The following DLGAP1 variants were observed in gnomAD, a reference collection of about 807,000 sequenced individuals.
DLGAP1 encodes disks large-associated protein 1.
A neutral mutation model predicts 90.8 loss-of-function variants in DLGAP1; 11 were observed. That is an observed-to-expected ratio of 0.12 (90% CI 0.08 to 0.20). The LOEUF is 0.20. Ranked by LOEUF, DLGAP1 falls within the 10% of genes least tolerant of loss-of-function variation. DLGAP1 has a pLI of 1.00. For synonymous variants in DLGAP1, 558 were observed against 540.7 expected, an observed-to-expected ratio of 1.03 and a Z score of -0.44; for missense variants, 1,050 against 1,333.8, an observed-to-expected ratio of 0.79 and a Z score of 3.31.
intron 5 of DLGAP1, among the ~76,000 whole-genome samples, chr18:3,772,472 C>CTTTCTTT: frequency 7.9e-6 from 1 of 125,858 alleles, no homozygotes; most frequent in Admixed American, 9.0e-5. Context: ...TTCTTTCTTT[C>CTTTCTTT]TTTCTTTCTT....
chr18:4,331,324 C>T (rs2080945355), intron 1 of DLGAP1, among the ~76,000 whole-genome samples: 1 of 151,796 alleles, frequency 6.6e-6, no homozygotes, highest in Non-Finnish European at 1.5e-5. Flanking sequence ...AGACAGCGCT[C>T]AGGACAGAAA....
At chr18:4,264,923 A>C (rs967471341) in intron 1 of DLGAP1, 8 of 152,084 alleles carry the variant, frequency 5.3e-5, no homozygotes, top group Non-Finnish European at 1.0e-4. Flanking sequence ...GGAATCTTTG[A>C]ATCTTACCTT....
In DLGAP1 at chr18:3,879,140, T is replaced by C. The variant is rs374923358; in HGVS notation, c.929A>G (p.Gln310Arg). The change falls in exon 4 of 13, where the codon CAG becomes CGG. Residue 310 changes from glutamine to arginine, a missense_variant. By Grantham distance (43) the Gln-to-Arg change is conservative. Transcript: ENST00000315677. This position sits in a 1 kb window ranked among gnomAD's most constrained non-coding sequence, Gnocchi z 6.6. ...CAGGTACTGGCAGGAGCGTTCTTGCTGACACGACTCGGACTTCACCATGGC... is the reference window on the plus strand; with the variant it reads ...CAGGTACTGGCAGGAGCGTTCTTGCCGACACGACTCGGACTTCACCATGGC... Reference protein sequence around the residue: ...DQAMVKSESCQQERSCQYLQV... With the variant: ...DQAMVKSESCRQERSCQYLQV... The C allele has an allele frequency of 7.3e-6, 11 of 1,506,986 alleles. No individual in the cohort carries two copies. Among genetic ancestry groups the C allele is most frequent in the South Asian group, 2.7e-5 (2 of 74,100 alleles). 93.4% of individuals were successfully genotyped at this position (1,506,986 alleles called of 1,614,324 possible).
chr18:4,283,127 C>T (rs1367246053), intron 1 of DLGAP1, among the ~76,000 whole-genome samples: 1 of 152,156 alleles, frequency 6.6e-6, no homozygotes, highest in Non-Finnish European at 1.5e-5. Flanking sequence ...AAACATAAGG[C>T]TGAAGAACTG....
At chr18:3,780,570 G>C (rs1222732901) in intron 5 of DLGAP1, among the ~76,000 whole-genome samples, 2 of 152,100 alleles carry the variant, frequency 1.3e-5, no homozygotes, top group Non-Finnish European at 2.9e-5. Context: ...CACGTGTAAG[G>C]CTGCTTGTGA....
intron 7 of DLGAP1, among the ~76,000 whole-genome samples, chr18:3,633,395 T>C: frequency 7.3e-6 from 1 of 136,308 alleles, no homozygotes. Flanking sequence ...GAGCTAGACT[T>C]CATCTCAAAA....
At chr18:4,215,172 G>A (rs2077926724) in intron 1 of DLGAP1, among the ~76,000 whole-genome samples, 1 of 152,018 alleles carries the variant, frequency 6.6e-6, no homozygotes, top group African/African-American at 2.4e-5. Context: ...AAGTGATAAG[G>A]TAAAATATTT....
rs769280734 is a variant in DLGAP1, at chr18:3,506,812, T to TTAG, written c.2571+1757_2571+1758insCTA. ...GCACAGAGAATCATGTTAATTGAGA[T>TTAG]CTGTGACACATTAGCAAGTTTGCAA... On this transcript the variant is annotated intron_variant, in intron 11 of 12. Coordinates refer to ENST00000315677, the MANE Select transcript of DLGAP1 (RefSeq NM_004746.4). Among the ~76,000 whole-genome samples, 303 of 152,316 alleles carry TTAG rather than the reference T, an allele frequency of 2.0e-3. 5 individuals carry two copies. The highest frequency in any genetic ancestry group is 1.4e-3 in the East Asian group (7 of 5,184).
chr18:3,514,455 G>A (rs2050715133), intron 10 of DLGAP1, among the ~76,000 whole-genome samples: 1 of 152,212 alleles, frequency 6.6e-6, no homozygotes, highest in East Asian at 1.9e-4. Flanking sequence ...TCCCCGTGGT[G>A]AAGGTTACTA....
rs1315286757 is a variant in DLGAP1 at position 3,727,134 on chromosome 18, T to A, written c.1591+2001A>T. On this transcript the variant is annotated intron_variant, in intron 7 of 12. Transcript: ENST00000315677. The surrounding 1 kb of genome is among the most constrained non-coding windows in gnomAD (Gnocchi z 4.7). The stretch of plus-strand genomic sequence containing the variant: ...TGTTTCTCATGCAATATTTGGGATA[T>A]ACCTATCCAGCAGAATTATTCACTC... 6.6e-6 allele frequency among the ~76,000 whole-genome samples: 1 copy of A among 152,236 alleles called. No individual in the cohort carries two copies. The highest frequency in any genetic ancestry group is 2.4e-5 in the African/African-American group (1 of 41,464).
intron 1 of DLGAP1, among the ~76,000 whole-genome samples, chr18:4,155,168 A>G (rs1441667045): frequency 3.3e-5 from 5 of 152,062 alleles, no homozygotes; most frequent in Non-Finnish European, 7.4e-5. Flanking sequence ...CTGCAGGGTT[A>G]TAGTGCTAAG....
chr18:3,879,901 C>T lies in DLGAP1; in HGVS notation c.168G>A (p.Glu56=). The T allele has an allele frequency of 1.2e-6, 2 of 1,612,404 alleles. No homozygotes were observed. Among genetic ancestry groups the T allele is most frequent in the African/African-American group, 2.7e-5 (2 of 75,056 alleles). The change falls in exon 4 of 13, where the codon GAG becomes GAA. Residue 56 remains glutamate (E), a synonymous_variant. Transcript: ENST00000315677. The surrounding 1 kb of genome is among the most constrained non-coding windows in gnomAD (Gnocchi z 6.6). ...GCGGGTCGCTGAAGGGGCCCACGCA[C>T]TCAGCCTGGAAGGAGTTCCGCTGGG... ...YYTQRNSFQA[E]CVGPFSDPLA... is the part of the protein sequence containing the mutation.
At chr18:3,752,845 A>G (rs561685213) in intron 5 of DLGAP1, among the ~76,000 whole-genome samples, 11 of 152,082 alleles carry the variant, frequency 7.2e-5, no homozygotes, top group African/African-American at 2.7e-4. Context: ...TCCGTGTTGT[A>G]GCATGTATCA....
chr18:4,094,028 T>C (rs2075631322), intron 2 of DLGAP1, among the ~76,000 whole-genome samples: 1 of 152,240 alleles, frequency 6.6e-6, no homozygotes, highest in African/African-American at 2.4e-5. Flanking sequence ...TTTCTTCATG[T>C]GGTTCTGACA....
At chr18:4,321,964 TAGG>T (rs1568512697) in intron 1 of DLGAP1, among the ~76,000 whole-genome samples, 1 of 150,410 alleles carries the variant, frequency 6.6e-6, no homozygotes, top group African/African-American at 2.5e-5. Context: ...TTGGGAGGCC[TAGG>T]GGGGTGGATC....
At chr18:4,225,508 T>C (rs111583391) in intron 1 of DLGAP1, among the ~76,000 whole-genome samples, 7,877 of 152,044 alleles carry the variant, frequency 0.052, 246 homozygotes, top group African/African-American at 0.081. Context: ...ACCTTTCAGA[T>C]AGAGAATTTA....
At chr18:3,769,404 C>T (rs2064409505) in intron 5 of DLGAP1, among the ~76,000 whole-genome samples, 1 of 152,108 alleles carries the variant, frequency 6.6e-6, no homozygotes, top group Non-Finnish European at 1.5e-5. Context: ...GGGAATTTGT[C>T]TTAGAGAAAT....
chr18:3,627,111 T>A (rs2058325480), intron 7 of DLGAP1, among the ~76,000 whole-genome samples: 1 of 151,526 alleles, frequency 6.6e-6, no homozygotes, highest in Admixed American at 6.6e-5. Context: ...GTGCTAGTAA[T>A]TTTTTTTTAA....
chr18:4,246,177 T>C (rs1229369408), intron 1 of DLGAP1, among the ~76,000 whole-genome samples: 1 of 152,068 alleles, frequency 6.6e-6, no homozygotes, highest in East Asian at 1.9e-4. Flanking sequence ...GACAGAATTA[T>C]AAAATGTGGT....
Sources: allele counts gnomAD v4.1 joint callset (sites outside exome capture counted in the v4.1 genomes callset), GRCh38; gene constraint gnomAD v4.1.1; non-coding constraint Gnocchi (gnomAD v3.1); transcripts MANE v1.5; gene names NCBI Gene and HGNC (gene_info 2026-07-23, HGNC 2026-07-21).